TNS3: variants seen among roughly 807,000 people sequenced by gnomAD.
TNS3 encodes tensin-3.
TNS3 carries 45 observed loss-of-function variants against 140.9 expected under a neutral mutation model. The ratio of observed to expected loss-of-function variants is 0.32; its 90% CI spans 0.25 to 0.41. The LOEUF is 0.41. Among genes scored for constraint, TNS3 ranks in the 10% least tolerant of loss-of-function variants. The pLI is 1.00. For synonymous variants in TNS3, 815 were observed against 788.4 expected (o/e 1.03, Z -0.56); for missense variants, 1,716 against 1,906.7 (o/e 0.90, Z 1.86).
chr7:47,499,177 G>A (rs1562806891), intron 3 of TNS3, among the ~76,000 whole-genome samples: 1 of 152,202 alleles, frequency 6.6e-6, no homozygotes, highest in Non-Finnish European at 1.5e-5. Flanking sequence ...CTTGGCTGAT[G>A]GGATTCACAC....
chr7:47,527,156 G>A (rs1799227044), intron 2 of TNS3, among the ~76,000 whole-genome samples: 1 of 152,160 alleles, frequency 6.6e-6, no homozygotes, highest in Non-Finnish European at 1.5e-5. Context: ...AGAATGGCGT[G>A]AACCTGGGAG....
At chr7:47,353,001 A>G (rs955635441) in intron 17 of TNS3, among the ~76,000 whole-genome samples, 1 of 152,202 alleles carries the variant, frequency 6.6e-6, no homozygotes, top group Non-Finnish European at 1.5e-5. Flanking sequence ...GTGACCTATG[A>G]GAGGCCACAG....
In TNS3 at chr7:47,380,772, A is replaced by G. The variant is rs531221539; in HGVS notation, c.1025-11151T>C. Reference sequence around the variant, plus strand: ...CACATACACATATGCACGCGCGCGCACACACACACACACACAAATGCTCTC... The same window carrying G: ...CACATACACATATGCACGCGCGCGCGCACACACACACACACAAATGCTCTC... On this transcript the variant is annotated intron_variant, in intron 16 of 30. Coordinates refer to ENST00000311160, the MANE Select transcript of TNS3 (RefSeq NM_022748.12). Among the ~76,000 whole-genome samples the G allele has an allele frequency of 5.5e-3, 831 of 151,288 alleles. 7 individuals carry two copies. Among genetic ancestry groups the G allele is most frequent in the African/African-American group, 0.017 (689 of 41,352 alleles).
Position 47,545,026 on chromosome 7 carries a change from G to A in TNS3, c.-264-15879C>T, listed in dbSNP as rs534290836. 3.9e-5 allele frequency among the ~76,000 whole-genome samples: 6 copies of A among 152,132 alleles called. No individual in the cohort carries two copies. The East Asian group carries it at 7.8e-4, about 20-fold the overall frequency. On this transcript the variant is annotated intron_variant, in intron 1 of 30. Coordinates refer to ENST00000311160, the MANE Select transcript of TNS3 (RefSeq NM_022748.12). ...TTTGAGCACCTCGAACACTAAAAAC[G>A]GAGAGAGGTATGTTCACTTCCTCCA...
chr7:47,566,260 G>A (rs1476833624), intron 1 of TNS3, among the ~76,000 whole-genome samples: 12 of 152,152 alleles, frequency 7.9e-5, no homozygotes, highest in Non-Finnish European at 1.3e-4. Context: ...GCAGCTGCCC[G>A]GCTGGTAGGT....
chr7:47,449,575 T>C (rs1429974813), intron 4 of TNS3, among the ~76,000 whole-genome samples: 1 of 152,238 alleles, frequency 6.6e-6, no homozygotes, highest in Non-Finnish European at 1.5e-5. Flanking sequence ...CTGAGTCATA[T>C]GTTCCTTTCT....
intron 25 of TNS3, among the ~76,000 whole-genome samples, chr7:47,293,388 G>C (rs929450807): frequency 6.6e-6 from 1 of 152,184 alleles, no homozygotes; most frequent in Admixed American, 6.5e-5. Flanking sequence ...GCTCTGTTGG[G>C]AGCTCTATGT....
intron 1 of TNS3, among the ~76,000 whole-genome samples, chr7:47,570,157 A>C (rs1310640474): frequency 6.6e-6 from 1 of 152,274 alleles, no homozygotes; most frequent in Non-Finnish European, 1.5e-5. Flanking sequence ...TCTCAATAAA[A>C]AGAAAAAATA....
chr7:47,370,422 C>A (rs1462123488), intron 16 of TNS3, among the ~76,000 whole-genome samples: 1 of 152,236 alleles, frequency 6.6e-6, no homozygotes, highest in African/African-American at 2.4e-5. Flanking sequence ...GTGAATGTCT[C>A]AGGATCACAG....
At chr7:47,385,984 C>T (rs1431114638) in intron 16 of TNS3, among the ~76,000 whole-genome samples, 1 of 152,214 alleles carries the variant, frequency 6.6e-6, no homozygotes, top group Non-Finnish European at 1.5e-5. Flanking sequence ...TATCCCAGGT[C>T]ATAAATTAGC....
chr7:47,577,085 G>A (rs1236198763), intron 1 of TNS3, among the ~76,000 whole-genome samples: 1 of 152,180 alleles, frequency 6.6e-6, no homozygotes, highest in African/African-American at 2.4e-5. Context: ...AATGAAAGGA[G>A]GTGACACACT....
intron 1 of TNS3, among the ~76,000 whole-genome samples, chr7:47,547,088 C>G (rs534162219): frequency 6.6e-6 from 1 of 152,090 alleles, no homozygotes; most frequent in East Asian, 1.9e-4. Context: ...TCATTCATTC[C>G]CGAGTTTATA....
chr7:47,430,880 C>A (rs1054523304), intron 8 of TNS3, among the ~76,000 whole-genome samples: 4 of 151,932 alleles, frequency 2.6e-5, no homozygotes, highest in African/African-American at 4.8e-5. Context: ...GCCACCACAC[C>A]CAGCTAATTT....
intron 16 of TNS3, among the ~76,000 whole-genome samples, chr7:47,384,098 T>C (rs1276736497): frequency 6.6e-6 from 1 of 152,224 alleles, no homozygotes; most frequent in African/African-American, 2.4e-5. Context: ...CTCCCCCCAC[T>C]GTCTCCACCG....
At chr7:47,405,232 A>G (rs1224756908) in intron 13 of TNS3, among the ~76,000 whole-genome samples, 1 of 152,104 alleles carries the variant, frequency 6.6e-6, no homozygotes, top group African/African-American at 2.4e-5. Context: ...TCATCCCCCA[A>G]TGCCAGCCGT....
At chr7:47,542,992 T>G (rs756623303) in intron 1 of TNS3, among the ~76,000 whole-genome samples, 1 of 151,816 alleles carries the variant, frequency 6.6e-6, no homozygotes, top group Non-Finnish European at 1.5e-5. Flanking sequence ...TTAAGGAATT[T>G]CTGACATCAG....
In TNS3 at chr7:47,296,784, AG is replaced by A. The variant is rs200504161; in HGVS notation, c.3676+297del. Among the ~76,000 whole-genome samples, 1,375 of 152,236 alleles carry A rather than the reference AG, an allele frequency of 9.0e-3. 10 individuals are homozygous for A. Among genetic ancestry groups the A allele is most frequent in the Middle Eastern group, 0.017 (5 of 294 alleles). On this transcript the variant is annotated intron_variant, in intron 24 of 30. Transcript: ENST00000311160. ...GCCCAAGGGAGGTGACAGGGTGGTG[AG>A]GGGGGTAGAGCCGAAATGGAAGCAA...
chr7:47,547,253 C>T (rs1234192665), intron 1 of TNS3, among the ~76,000 whole-genome samples: 2 of 151,844 alleles, frequency 1.3e-5, no homozygotes, highest in Admixed American at 6.6e-5. Context: ...GGGAGTGGGG[C>T]GGAGGGCAAA....
At chr7:47,505,254 C>CA (rs1562813000) in intron 3 of TNS3, among the ~76,000 whole-genome samples, 1 of 152,068 alleles carries the variant, frequency 6.6e-6, no homozygotes, top group Non-Finnish European at 1.5e-5. Flanking sequence ...AATGCTCCCC[C>CA]AAAGGTACAA....
Sources: gnomAD v4.1 joint callset for allele counts (sites outside exome capture counted in the v4.1 genomes callset) on GRCh38, gnomAD v4.1.1 for gene constraint, MANE v1.5 for transcripts, NCBI Gene and HGNC (gene_info 2026-07-23, HGNC 2026-07-21) for gene names.